Variants in NAV1 observed in about 807,000 individuals in gnomAD.
The protein encoded by NAV1 is neuron navigator 1.
NAV1 carries 18 observed loss-of-function variants against 175.2 expected under a neutral mutation model. The observed-to-expected ratio is 0.10, with a 90% CI of 0.07 to 0.15. NAV1 has a LOEUF of 0.15. NAV1 is among the 10% of genes least tolerant of loss of function. The pLI is 1.00. For missense variants in NAV1, 1,731 were observed against 2,436.6 expected, an observed-to-expected ratio of 0.71 and a Z score of 6.10; for synonymous variants, 897 against 978.7, an observed-to-expected ratio of 0.92 and a Z score of 1.56.
Position 201,676,579 on chromosome 1 carries a change from C to T in NAV1, c.757+27154C>T, listed in dbSNP as rs1670260128. ...GCTGACTCGCAGGAAATAGTTTCAC[C>T]CCAGTGGTCCAGGCTGGGGTTCCCG... On this transcript the variant is annotated intron_variant, in intron 1 of 29. Transcript: ENST00000367296. Among the ~76,000 whole-genome samples, 5 of 150,736 alleles carry T rather than the reference C, an allele frequency of 3.3e-5. No individual in the cohort carries two copies. In the South Asian group the frequency reaches 1.0e-3, roughly 31 times the overall value.
At chr1:201,756,809 C>CTTCT (rs534285799) in intron 3 of NAV1, among the ~76,000 whole-genome samples, 493 of 26,848 alleles carry the variant, frequency 0.018, 11 homozygotes, top group Middle Eastern at 0.05. Flanking sequence ...TCTTTCTTTC[C>CTTCT]TTCTTTCTTT....
chr1:201,787,804 C>G lies in NAV1; in HGVS notation c.2996-664C>G. On this transcript the variant is annotated intron_variant, in intron 9 of 29. Transcript: ENST00000367296. This position sits in a 1 kb window ranked among gnomAD's most constrained non-coding sequence, Gnocchi z 4.3. ...TGCAGGTTAACGGGATTCAGCTGAA[C>G]CCAGCTTCAAAGCACATTCCACAAG... 1 of 438,732 alleles carries G rather than the reference C, an allele frequency of 2.3e-6. No homozygotes were observed. Among genetic ancestry groups the G allele is most frequent in the Non-Finnish European group, 4.6e-6 (1 of 218,124 alleles). The allele number at this position is 438,732 out of a possible 1,614,324, so 27.2% of individuals were successfully genotyped here. A position where few individuals can be genotyped will look rare whatever the true frequency, so the allele number is the denominator to read the frequency against.
intron 28 of NAV1, among the ~76,000 whole-genome samples, chr1:201,814,510 A>G (rs567768926): frequency 1.3e-5 from 2 of 152,344 alleles, no homozygotes; most frequent in South Asian, 4.1e-4. Flanking sequence ...GCACTAATAA[A>G]CTGTGATGTA....
chr1:201,593,686 A>G (rs974457917), intron 2 of NAV1, among the ~76,000 whole-genome samples: 1 of 152,100 alleles, frequency 6.6e-6, no homozygotes, highest in African/African-American at 2.4e-5. Flanking sequence ...CAACATTGTC[A>G]TGGGGGAAGG....
chr1:201,700,665 G>A (rs1318381963), intron 1 of NAV1, among the ~76,000 whole-genome samples: 3 of 152,150 alleles, frequency 2.0e-5, no homozygotes, highest in Admixed American at 6.5e-5. Context: ...ATTCACAATA[G>A]CAAAGACTTG....
chr1:201,650,786 G>A (rs1464544797), intron 1 of NAV1, among the ~76,000 whole-genome samples: 7 of 152,196 alleles, frequency 4.6e-5, no homozygotes, highest in Non-Finnish European at 8.8e-5. Flanking sequence ...AATGGGCTTT[G>A]CAGGGGCAAT....
intron 2 of NAV1, among the ~76,000 whole-genome samples, chr1:201,643,021 G>A (rs550525053): frequency 4.0e-5 from 6 of 151,528 alleles, no homozygotes; most frequent in South Asian, 2.1e-4. Flanking sequence ...TGATCCGTCC[G>A]CCTTGGCCTC....
chr1:201,786,873 G>A (rs986941973), intron 9 of NAV1, among the ~76,000 whole-genome samples: 1 of 152,218 alleles, frequency 6.6e-6, no homozygotes, highest in Non-Finnish European at 1.5e-5. Context: ...CAGTGCAAGA[G>A]CAGGCACATT....
At chr1:201,811,705 G>T (rs935354616) in exon 25 of NAV1, 2 of 1,612,528 alleles carry the variant, frequency 1.2e-6, no homozygotes, top group African/African-American at 2.7e-5. Flanking sequence ...GAGTGAAGCA[G>T]GCTCCATCAG....
intron 3 of NAV1, among the ~76,000 whole-genome samples, chr1:201,757,210 C>T (rs1241650384): frequency 6.6e-6 from 1 of 152,194 alleles, no homozygotes; most frequent in Non-Finnish European, 1.5e-5. Context: ...TCCTCAAGAT[C>T]TCTGAAGGCA....
intron 1 of NAV1, among the ~76,000 whole-genome samples, chr1:201,702,662 G>A (rs1671474525): frequency 8.0e-6 from 1 of 124,818 alleles, no homozygotes; most frequent in Non-Finnish European, 1.6e-5. Context: ...GGTGAATTTT[G>A]GTATGTGAAT....
chr1:201,639,936 C>G (rs1009837099), intron 2 of NAV1, among the ~76,000 whole-genome samples: 2 of 152,184 alleles, frequency 1.3e-5, no homozygotes, highest in African/African-American at 2.4e-5. Flanking sequence ...CATCCCTGCT[C>G]TATCCTTGCC....
rs568656543 is a variant in NAV1 at position 201,715,599 on chromosome 1, T to G, written c.860+2680T>G. On this transcript the variant is annotated intron_variant, in intron 2 of 29. Transcript: ENST00000367296. ...CACCTGCCAGAGTCACGCTGGCTGA[T>G]GAGGGTAGGTTCTGTACTCTGCATG... Among the ~76,000 whole-genome samples, 3 of 152,246 alleles carry G rather than the reference T, an allele frequency of 2.0e-5. No individual in the cohort carries two copies. The South Asian group carries it at 6.2e-4, about 32-fold the overall frequency.
intron 1 of NAV1, among the ~76,000 whole-genome samples, chr1:201,564,026 G>A (rs1666280900): frequency 6.6e-6 from 1 of 152,126 alleles, no homozygotes; most frequent in South Asian, 2.1e-4. Flanking sequence ...GAGTCCCAGA[G>A]GTTGAGGCTG....
In NAV1 at chr1:201,757,593, T is replaced by C. The variant is rs920662337; in HGVS notation, c.1227-22828T>C. ...CTGTCTTGATATAGATTGCACACTA[T>C]TATAGTTCATACCATACTCTACATC... On this transcript the variant is annotated intron_variant, in intron 3 of 29. Transcript: ENST00000367296. 3.4e-4 allele frequency among the ~76,000 whole-genome samples: 52 copies of C among 152,344 alleles called. 1 individual carries two copies. Among genetic ancestry groups the C allele is most frequent in the Admixed American group, 6.5e-4 (10 of 15,296 alleles).
intron 2 of NAV1, among the ~76,000 whole-genome samples, chr1:201,608,444 C>G (rs1468692878): frequency 1.3e-5 from 2 of 152,196 alleles, no homozygotes; most frequent in African/African-American, 4.8e-5. Context: ...GGTCTAACCT[C>G]CTGATCAGCC....
chr1:201,805,531 T>C (rs1157704711), intron 17 of NAV1, among the ~76,000 whole-genome samples: 1 of 152,198 alleles, frequency 6.6e-6, no homozygotes, highest in Non-Finnish European at 1.5e-5. Flanking sequence ...ATAGTACACA[T>C]AGGAAGAGCC....
At chr1:201,621,506 A>G (rs376590028), upstream of NAV1, among the ~76,000 whole-genome samples, 112 of 150,236 alleles carry the variant, frequency 7.5e-4, 2 homozygotes, top group East Asian at 0.02. Context: ...TAATTTTTGT[A>G]TTTTTAGTAG....
exon 30 of NAV1, chr1:201,825,889 T>A (rs1679644241): frequency 6.6e-6 from 1 of 152,248 alleles, no homozygotes; most frequent in South Asian, 2.1e-4. Context: ...CTGGAGCTCC[T>A]GACCTCAGGT....
Sources: allele counts gnomAD v4.1 joint callset (sites outside exome capture counted in the v4.1 genomes callset), GRCh38; gene constraint gnomAD v4.1.1; non-coding constraint Gnocchi (gnomAD v3.1); transcripts MANE v1.5; gene names NCBI Gene and HGNC (gene_info 2026-07-23, HGNC 2026-07-21).